Variants in ZNF679 observed in about 807,000 individuals in gnomAD.
The protein encoded by ZNF679 is zinc finger protein 679.
A neutral mutation model predicts 13.4 loss-of-function variants in ZNF679; 10 were observed. The observed-to-expected ratio is 0.75, with a 90% confidence interval of 0.46 to 1.27. The LOEUF (loss-of-function observed/expected upper bound fraction) is 1.27, where lower values mean the gene tolerates loss of function less well. ZNF679 is among the 50% of genes most tolerant of loss of function. The probability of loss-of-function intolerance (pLI) is 0.00; values close to 1 mark genes in which losing one functional copy is unlikely to be tolerated. For synonymous variants in ZNF679, 179 were observed against 162.5 expected, an observed-to-expected ratio of 1.10 and a Z score of -0.77; for missense variants, 525 against 477.8, an observed-to-expected ratio of 1.10 and a Z score of -0.92.
chr7:64,255,767 C>A (rs1787997302), intron 2 of ZNF679, among the ~76,000 whole-genome samples: 1 of 152,058 alleles, frequency 6.6e-6, no homozygotes, highest in Admixed American at 6.6e-5. Flanking sequence ...TGCCACCACA[C>A]CCAGCTAAAT....
intron 1 of ZNF679, among the ~76,000 whole-genome samples, chr7:64,240,306 C>T (rs192433509): frequency 6.6e-6 from 1 of 152,276 alleles, no homozygotes; most frequent in East Asian, 1.9e-4. Flanking sequence ...ATGTCTGGTT[C>T]CTGCCCACAG....
At chr7:64,239,597 T>C (rs536981971) in intron 1 of ZNF679, among the ~76,000 whole-genome samples, 1 of 152,312 alleles carries the variant, frequency 6.6e-6, no homozygotes, top group African/African-American at 2.4e-5. Context: ...GGAATTGTAA[T>C]ATATCTCTTT....
At chr7:64,264,868 C>T (rs963740169) in intron 4 of ZNF679, among the ~76,000 whole-genome samples, 2 of 151,902 alleles carry the variant, frequency 1.3e-5, no homozygotes, top group Non-Finnish European at 2.9e-5. Flanking sequence ...TGTTTAGCTT[C>T]TTCATTTCTT....
chr7:64,253,267 T>C (rs912083068), intron 2 of ZNF679, among the ~76,000 whole-genome samples: 1 of 152,218 alleles, frequency 6.6e-6, no homozygotes, highest in Admixed American at 6.5e-5. Flanking sequence ...TAACACTTAG[T>C]TTCAAAAACT....
chr7:64,257,126 T>G (rs1788014793), intron 2 of ZNF679, among the ~76,000 whole-genome samples: 1 of 152,228 alleles, frequency 6.6e-6, no homozygotes, highest in Non-Finnish European at 1.5e-5. Flanking sequence ...AAGTTGGTTA[T>G]TTGAAGTTAG....
intron 2 of ZNF679, among the ~76,000 whole-genome samples, chr7:64,251,446 C>T (rs1787943261): frequency 6.6e-6 from 1 of 151,580 alleles, no homozygotes; most frequent in Non-Finnish European, 1.5e-5. Flanking sequence ...AGAGTGAGAC[C>T]ATATCTCAAA....
chr7:64,231,140 C>A (rs1334941856), intron 1 of ZNF679, among the ~76,000 whole-genome samples: 4 of 152,202 alleles, frequency 2.6e-5, no homozygotes, highest in Non-Finnish European at 4.4e-5. Context: ...GTGTTGTAAT[C>A]TCTGACCTTA....
chr7:64,248,525 C>T (rs1787898357), intron 1 of ZNF679, among the ~76,000 whole-genome samples: 1 of 152,018 alleles, frequency 6.6e-6, no homozygotes, highest in Non-Finnish European at 1.5e-5. Context: ...CATTATCCAC[C>T]CGCCTCACCC....
intron 1 of ZNF679, among the ~76,000 whole-genome samples, chr7:64,230,356 A>AC (rs1396178818): frequency 1.2e-4 from 18 of 150,906 alleles, no homozygotes; most frequent in African/African-American, 4.4e-4. Flanking sequence ...ACAAGGTGAA[A>AC]CCCCGTCTCT....
At chr7:64,243,792 T>A (rs1787831605) in intron 1 of ZNF679, among the ~76,000 whole-genome samples, 1 of 152,170 alleles carries the variant, frequency 6.6e-6, no homozygotes, top group Non-Finnish European at 1.5e-5. Flanking sequence ...CACAATCACG[T>A]CTGTGAAAAG....
At chr7:64,234,835 C>T (rs1237768603) in intron 1 of ZNF679, among the ~76,000 whole-genome samples, 2 of 152,054 alleles carry the variant, frequency 1.3e-5, no homozygotes, top group African/African-American at 2.4e-5. Context: ...CTAGGGGACT[C>T]ATATAATATA....
At chr7:64,230,627 G>T (rs1336529466) in intron 1 of ZNF679, among the ~76,000 whole-genome samples, 2 of 151,822 alleles carry the variant, frequency 1.3e-5, no homozygotes, top group South Asian at 2.1e-4. Context: ...TCACTGTCTC[G>T]TGTGTTTTAT....
Position 64,266,318 on chromosome 7 carries a change from A to G in ZNF679, c.685A>G (p.Lys229Glu), listed in dbSNP as rs774188289. The G allele has an allele frequency of 6.2e-7, 1 of 1,612,166 alleles. No homozygotes were observed. ...CTTCAACTGCTCTTCAACCCTTTCT[A>G]AACATAAAAGAATTCATACTGGAGA... The part of the protein sequence containing the change: ...KPFNCSSTLS[K>E]HKRIHTGEKP... Residue 229 changes from lysine to glutamate, a missense_variant, in exon 5 of 5, where the codon AAA becomes GAA. Lys to Glu is a moderately conservative substitution (Grantham distance 56, BLOSUM62 1). Coordinates refer to ENST00000421025, the MANE Select transcript of ZNF679 (RefSeq NM_153363.3).
At chr7:64,265,563 T>A (rs1372354823) in intron 4 of ZNF679, among the ~76,000 whole-genome samples, 2 of 152,188 alleles carry the variant, frequency 1.3e-5, no homozygotes, top group East Asian at 3.8e-4. Context: ...TCTTTTGTAA[T>A]AAAAGCCAGT....
At chr7:64,236,979 GAAAGAAAGAAAGAAAGAAAGAAAA>G (rs1562840398) in intron 1 of ZNF679, among the ~76,000 whole-genome samples, 3 of 64,352 alleles carry the variant, frequency 4.7e-5, no homozygotes, top group South Asian at 9.1e-4. Context: ...GAAAGAAAAA[GAAAGAAAGAAAGAAAGAAAGAAAA>G]AGAAAGAAAG....
At position 64,266,432 on chromosome 7, in the gene ZNF679, C is replaced by T; in HGVS notation, c.799C>T (p.Pro267Ser). The T allele has an allele frequency of 6.2e-7, 1 of 1,613,180 alleles. No homozygotes were observed. Among genetic ancestry groups the T allele is most frequent in the African/African-American group, 1.3e-5 (1 of 74,992 alleles). The change falls in exon 5 of 5, where the codon CCC (proline) becomes TCC (serine). Residue 267 changes from proline to serine, a missense_variant. By Grantham distance (74) the Pro-to-Ser change is moderately conservative. Transcript: ENST00000421025. ...KHRRIHTGEK[P>S]YTCEECGQAF... ...TAGGAGAATTCATACTGGAGAAAAA[C>T]CCTACACATGTGAAGAATGTGGCCA...
intron 1 of ZNF679, among the ~76,000 whole-genome samples, chr7:64,245,359 T>C (rs1351480906): frequency 6.6e-6 from 1 of 150,714 alleles, no homozygotes; most frequent in Non-Finnish European, 1.5e-5. Context: ...AGTTTCAACA[T>C]GTGATCTTTG....
At chr7:64,249,266 G>A in intron 2 of ZNF679, 110 bp downstream of exon 2, 6 of 1,579,182 alleles carry the variant, frequency 3.8e-6, no homozygotes, top group African/African-American at 1.4e-5. Flanking sequence ...GGAGTCTGAG[G>A]ACCCAAATCC....
At chr7:64,254,817 T>G (rs1787982377) in intron 2 of ZNF679, among the ~76,000 whole-genome samples, 2 of 151,924 alleles carry the variant, frequency 1.3e-5, no homozygotes, top group African/African-American at 4.8e-5. Context: ...CTGGCCAACA[T>G]GGTGAAATCC....
Sources: allele counts gnomAD v4.1 joint callset (sites outside exome capture counted in the v4.1 genomes callset), GRCh38; gene constraint gnomAD v4.1.1; transcripts MANE v1.5; gene names NCBI Gene and HGNC (gene_info 2026-07-23, HGNC 2026-07-21).